NELL1: variants seen among roughly 807,000 people sequenced by gnomAD.
NELL1 encodes the protein neural EGFL like 1.
Under a neutral mutation model 107.4 loss-of-function variants are expected in NELL1, and 76 were observed. That is an observed-to-expected ratio of 0.71 (90% CI 0.59 to 0.86). The LOEUF is 0.86. Ranked by LOEUF, NELL1 falls within the 40% of genes least tolerant of loss-of-function variation. The probability of loss-of-function intolerance (pLI) is 0.00; values close to 1 mark genes in which losing one functional copy is unlikely to be tolerated. For synonymous variants in NELL1, 353 were observed against 341.2 expected (o/e 1.03, Z -0.38); for missense variants, 1,024 against 1,005.5 (o/e 1.02, Z -0.25).
At chr11:20,780,815 G>T (rs972723572) in intron 2 of NELL1, among the ~76,000 whole-genome samples, 2 of 152,102 alleles carry the variant, frequency 1.3e-5, no homozygotes, top group Non-Finnish European at 2.9e-5. Context: ...AGAGGGACAA[G>T]CATGAAGATC....
intron 12 of NELL1, among the ~76,000 whole-genome samples, chr11:21,036,159 C>G (rs1303540168): frequency 6.6e-6 from 1 of 152,040 alleles, no homozygotes; most frequent in Non-Finnish European, 1.5e-5. Flanking sequence ...AATAAAATAC[C>G]TAGGAATACA....
At chr11:21,140,939 A>G (rs1469501835) in intron 13 of NELL1, among the ~76,000 whole-genome samples, 1 of 152,214 alleles carries the variant, frequency 6.6e-6, no homozygotes, top group Non-Finnish European at 1.5e-5. Context: ...TGTCAGAATT[A>G]TCTTGGTTAT....
At chr11:21,274,245 T>C (rs560848115) in intron 14 of NELL1, among the ~76,000 whole-genome samples, 1 of 151,386 alleles carries the variant, frequency 6.6e-6, no homozygotes, top group Non-Finnish European at 1.5e-5. Flanking sequence ...AAAGCAGGGG[T>C]TGCAATCCTA....
At chr11:20,949,779 T>C (rs1851035381) in intron 11 of NELL1, among the ~76,000 whole-genome samples, 1 of 152,158 alleles carries the variant, frequency 6.6e-6, no homozygotes, top group Non-Finnish European at 1.5e-5. Flanking sequence ...CAGTGGCATT[T>C]ACCAAACCTG....
chr11:21,321,457 AC>A (rs1235597969), intron 14 of NELL1, among the ~76,000 whole-genome samples: 2 of 152,150 alleles, frequency 1.3e-5, no homozygotes, highest in African/African-American at 4.8e-5. Flanking sequence ...AGCATGCCAG[AC>A]AAGTTTTCTC....
At chr11:20,931,390 T>C (rs1663229719) in intron 9 of NELL1, among the ~76,000 whole-genome samples, 2 of 152,226 alleles carry the variant, frequency 1.3e-5, no homozygotes, top group South Asian at 4.1e-4. Context: ...AATTTCTAGA[T>C]GTTTCCAATG....
chr11:20,730,830 G>A (rs1281856385), intron 2 of NELL1, among the ~76,000 whole-genome samples: 1 of 152,138 alleles, frequency 6.6e-6, no homozygotes, highest in African/African-American at 2.4e-5. Context: ...CTTCACAGAG[G>A]CTGGATGAGG....
rs77662626 is a variant in NELL1 at position 21,529,136 on chromosome 11, C to T, written c.1646-5238C>T. 9.5e-3 allele frequency among the ~76,000 whole-genome samples: 1,447 copies of T among 152,194 alleles called. 20 individuals carry two copies. The highest frequency in any genetic ancestry group is 0.033 in the African/African-American group (1,379 of 41,518). On this transcript the variant is annotated intron_variant, in intron 15 of 19. Coordinates refer to ENST00000357134, the MANE Select transcript of NELL1 (RefSeq NM_006157.5). ...ACAGTTTCAGGTCTGTGGAAGGGCC[C>T]TGGTCTACATAGCCTTGCAGGAAGC...
At chr11:20,980,287 T>C (rs1243250776) in intron 12 of NELL1, among the ~76,000 whole-genome samples, 2 of 152,158 alleles carry the variant, frequency 1.3e-5, no homozygotes. Context: ...TTAATGGTCA[T>C]AGGGGACTAT....
intron 2 of NELL1, among the ~76,000 whole-genome samples, chr11:20,745,241 A>G (rs571378691): frequency 2.0e-5 from 3 of 152,308 alleles, no homozygotes; most frequent in South Asian, 2.1e-4. Context: ...TTGTCCAGCC[A>G]TCTAATTTTT....
chr11:21,372,361 TG>T (rs1232662246), intron 15 of NELL1, among the ~76,000 whole-genome samples: 2 of 151,912 alleles, frequency 1.3e-5, no homozygotes, highest in Non-Finnish European at 2.9e-5. Flanking sequence ...ACAGAATTAA[TG>T]GGGAAAGAAT....
At chr11:21,144,326 G>A (rs1945319) in intron 13 of NELL1, among the ~76,000 whole-genome samples, 64,355 of 151,960 alleles carry the variant, frequency 0.42, 14,074 homozygotes, top group African/African-American at 0.53. Context: ...TTACACATTT[G>A]TATCTAAGGA....
intron 12 of NELL1, among the ~76,000 whole-genome samples, chr11:21,027,879 C>T (rs1000151741): frequency 1.4e-4 from 21 of 151,886 alleles, no homozygotes; most frequent in African/African-American, 5.1e-4. Flanking sequence ...GCTGGGTGGG[C>T]CTGGCAGTGG....
chr11:20,736,638 T>G (rs181360913), intron 2 of NELL1, among the ~76,000 whole-genome samples: 10 of 152,278 alleles, frequency 6.6e-5, no homozygotes, highest in Admixed American at 5.2e-4. Flanking sequence ...CTGTACTTAT[T>G]TTTTAAATCA....
At chr11:21,475,073 C>T (rs1432722985) in intron 15 of NELL1, among the ~76,000 whole-genome samples, 2 of 152,104 alleles carry the variant, frequency 1.3e-5, no homozygotes, top group African/African-American at 4.8e-5. Flanking sequence ...TTTTCATCAG[C>T]CTTATATCCT....
chr11:20,856,179 C>T (rs1246131288), intron 4 of NELL1, among the ~76,000 whole-genome samples: 4 of 152,164 alleles, frequency 2.6e-5, no homozygotes, highest in African/African-American at 9.7e-5. Flanking sequence ...TTTTCCTGCA[C>T]AAACCCCAAA....
intron 3 of NELL1, among the ~76,000 whole-genome samples, chr11:20,827,279 A>T (rs1857904823): frequency 6.6e-6 from 1 of 151,310 alleles, no homozygotes; most frequent in Admixed American, 6.7e-5. Context: ...AGCTCTGTAG[A>T]TACTGTCAGT....
chr11:21,396,925 T>C (rs1469781415), intron 15 of NELL1, among the ~76,000 whole-genome samples: 1 of 151,670 alleles, frequency 6.6e-6, no homozygotes, highest in African/African-American at 2.4e-5. Flanking sequence ...GGTGGGATTG[T>C]ACTTATTTGT....
At chr11:20,687,779 G>C (rs1854344919) in intron 2 of NELL1, among the ~76,000 whole-genome samples, 1 of 151,876 alleles carries the variant, frequency 6.6e-6, no homozygotes, top group African/African-American at 2.4e-5. Flanking sequence ...TTTTAGTAGA[G>C]ACAGGGTTTC....
Sources: allele counts gnomAD v4.1 joint callset (sites outside exome capture counted in the v4.1 genomes callset), GRCh38; gene constraint gnomAD v4.1.1; transcripts MANE v1.5; gene names NCBI Gene and HGNC (gene_info 2026-07-23, HGNC 2026-07-21).